Variants in SHANK2 observed in about 807,000 individuals in gnomAD.
The protein encoded by SHANK2 is SH3 and multiple ankyrin repeat domains 2.
In SHANK2, 43 loss-of-function variants were observed where a neutral mutation model predicts 133.7. The ratio of observed to expected loss-of-function variants is 0.32; its 90% CI spans 0.25 to 0.41. The LOEUF (loss-of-function observed/expected upper bound fraction) is 0.41. Ranked by LOEUF, SHANK2 falls within the 10% of genes least tolerant of loss-of-function variation. The pLI, the probability that SHANK2 is intolerant of heterozygous loss-of-function variation, is 1.00. For missense variants in SHANK2, 1,994 were observed against 2,235.8 expected (o/e 0.89, Z 2.18); for synonymous variants, 1,017 against 952.8 (o/e 1.07, Z -1.24).
intron 8 of SHANK2, among the ~76,000 whole-genome samples, chr11:71,086,383 A>G (rs1484370799): frequency 7.7e-6 from 1 of 130,320 alleles, no homozygotes; most frequent in Admixed American, 8.5e-5. Context: ...TACATTTATA[A>G]TATATGATAT....
At chr11:70,580,965 G>A (rs1167912344) in intron 17 of SHANK2, among the ~76,000 whole-genome samples, 1 of 152,196 alleles carries the variant, frequency 6.6e-6, no homozygotes, top group East Asian at 1.9e-4. Context: ...AGCCCACCAG[G>A]TCCAGGGGCT....
chr11:71,181,607 G>A (rs112097003), intron 2 of SHANK2, among the ~76,000 whole-genome samples: 5,925 of 152,212 alleles, frequency 0.039, 198 homozygotes, highest in African/African-American at 0.091. Context: ...CAAGAGGAAA[G>A]GGCAGGTGCT....
chr11:70,507,367 C>A (rs2135857914), intron 17 of SHANK2, among the ~76,000 whole-genome samples: 1 of 152,320 alleles, frequency 6.6e-6, no homozygotes, highest in East Asian at 1.9e-4. Flanking sequence ...ATTCATGAAA[C>A]TGATTTCTAT....
At chr11:71,162,926 A>G (rs1476246348) in intron 2 of SHANK2, among the ~76,000 whole-genome samples, 1 of 151,678 alleles carries the variant, frequency 6.6e-6, no homozygotes, top group Non-Finnish European at 1.5e-5. Context: ...CAAAAAAATT[A>G]GCCAGGTGTG....
chr11:70,744,176 C>T (rs192697612), intron 14 of SHANK2, among the ~76,000 whole-genome samples: 198 of 152,366 alleles, frequency 1.3e-3, no homozygotes, highest in South Asian at 6.4e-3. Flanking sequence ...GCCACATTCA[C>T]GCACCTGGCA....
intron 11 of SHANK2, among the ~76,000 whole-genome samples, chr11:70,859,297 G>T (rs1207276322): frequency 6.6e-6 from 1 of 152,172 alleles, no homozygotes; most frequent in Non-Finnish European, 1.5e-5. Context: ...TGGGCAGATG[G>T]ATGGGTAGGT....
At position 71,154,628 on chromosome 11, in the gene SHANK2, C is replaced by A. The variant is rs191520250; in HGVS notation, c.-12-7290G>T. Among the ~76,000 whole-genome samples the A allele has an allele frequency of 3.2e-3, 487 of 152,320 alleles. 2 individuals carry two copies. Among genetic ancestry groups the A allele is most frequent in the African/African-American group, 0.011 (475 of 41,572 alleles). ...AAAAGCAGACCTTCTGACACACTGC[C>A]CCAAATACTGGAGGGGTGAACTTAC... is the stretch of plus-strand genomic sequence containing the variant. On this transcript the variant is annotated intron_variant, in intron 2 of 25. Transcript: ENST00000601538.
intron 10 of SHANK2, among the ~76,000 whole-genome samples, chr11:70,918,224 T>C (rs1047280694): frequency 1.3e-5 from 2 of 152,188 alleles, no homozygotes; most frequent in South Asian, 4.1e-4. Flanking sequence ...AGCCGCTCCA[T>C]GCGGGGCGGG....
intron 11 of SHANK2, among the ~76,000 whole-genome samples, chr11:70,889,429 T>C (rs1468959881): frequency 6.6e-6 from 1 of 152,072 alleles, no homozygotes; most frequent in African/African-American, 2.4e-5. Context: ...ACACAGTTGG[T>C]GGTCATTTGT....
In SHANK2 at chr11:70,678,040, A is replaced by G. The variant is rs149309324; in HGVS notation, c.1854-16362T>C. On this transcript the variant is annotated intron_variant, in intron 15 of 25. Coordinates refer to ENST00000601538, the MANE Select transcript of SHANK2 (RefSeq NM_012309.5). ...AAGACAAAAGACAACCCCTTGCACC[A>G]ATTTTCCCAGGTCTTCAGCCCCAGC... is the stretch of plus-strand genomic sequence containing the variant. Among the ~76,000 whole-genome samples the G allele has an allele frequency of 4.9e-3, 747 of 152,214 alleles. 17 individuals carry two copies. The South Asian group carries it at 0.053, about 11-fold the overall frequency.
rs12295861 is a variant in SHANK2, at chr11:70,644,470, G to A, written c.2061+15358C>T. On this transcript the variant is annotated intron_variant, in intron 17 of 25. Transcript: ENST00000601538. ...TTGTATTTGGCCACTCCTGGCATCT[G>A]TCCATCTGCTTCCCGATGGGTCCCA... is the stretch of plus-strand genomic sequence containing the variant. Among the ~76,000 whole-genome samples the A allele has an allele frequency of 8.9e-3, 1,351 of 152,306 alleles. 16 individuals carry two copies. Among genetic ancestry groups the A allele is most frequent in the African/African-American group, 0.031 (1,273 of 41,576 alleles).
At chr11:70,526,832 A>C (rs1591537759) in intron 17 of SHANK2, among the ~76,000 whole-genome samples, 2 of 137,588 alleles carry the variant, frequency 1.5e-5, no homozygotes, top group African/African-American at 2.8e-5. Flanking sequence ...TGTGCTGCCG[A>C]CCTCTGCAGG....
intron 17 of SHANK2, among the ~76,000 whole-genome samples, chr11:70,657,729 C>G (rs2061421427): frequency 6.6e-6 from 1 of 152,128 alleles, no homozygotes; most frequent in Non-Finnish European, 1.5e-5. Flanking sequence ...CAGAGGTTAC[C>G]CAGAATATAA....
At chr11:71,146,617 C>G (rs185760410) in intron 3 of SHANK2, among the ~76,000 whole-genome samples, 12 of 152,302 alleles carry the variant, frequency 7.9e-5, no homozygotes, top group Non-Finnish European at 1.8e-4. Context: ...AGGAGGCGGA[C>G]AGCAGCCACG....
At chr11:70,814,341 AAGTC>A (rs1283399660) in intron 12 of SHANK2, among the ~76,000 whole-genome samples, 3 of 151,480 alleles carry the variant, frequency 2.0e-5, no homozygotes, top group Non-Finnish European at 2.9e-5. Flanking sequence ...AAAAAAAAGA[AAGTC>A]AGGGCCACCG....
chr11:71,163,111 T>TATATATATATATATATATATATACAC (rs1168851236), intron 2 of SHANK2, among the ~76,000 whole-genome samples: 2 of 137,960 alleles, frequency 1.4e-5, no homozygotes, highest in African/African-American at 5.4e-5. Flanking sequence ...TATATATATA[T>TATATATATATATATATATATATACAC]ACAGAATAGA....
At chr11:70,622,675 C>T (rs1554998298) in intron 17 of SHANK2, among the ~76,000 whole-genome samples, 1 of 152,236 alleles carries the variant, frequency 6.6e-6, no homozygotes, top group Non-Finnish European at 1.5e-5. Context: ...ATCTCAAGAT[C>T]CTTAACTATA....
At chr11:70,476,382 G>A (rs1384865493) in intron 25 of SHANK2, among the ~76,000 whole-genome samples, 2 of 136,340 alleles carry the variant, frequency 1.5e-5, no homozygotes, top group East Asian at 2.8e-4. Context: ...TAGGATACAC[G>A]AAAAAACCTG....
At chr11:71,087,317 G>A (rs1951432546) in intron 8 of SHANK2, among the ~76,000 whole-genome samples, 1 of 152,178 alleles carries the variant, frequency 6.6e-6, no homozygotes, top group Non-Finnish European at 1.5e-5. Flanking sequence ...GCCTGGTTGG[G>A]AGAGAGGGCA....
Sources: gnomAD v4.1 joint callset for allele counts (sites outside exome capture counted in the v4.1 genomes callset) on GRCh38, gnomAD v4.1.1 for gene constraint, MANE v1.5 for transcripts, NCBI Gene and HGNC (gene_info 2026-07-23, HGNC 2026-07-21) for gene names.